Variants in PLXNA4 observed in about 807,000 individuals in gnomAD.
The protein encoded by PLXNA4 is plexin A4, also known as plexin-A4.
In PLXNA4, 44 loss-of-function variants were observed where a neutral mutation model predicts 191.8. The observed-to-expected ratio is 0.23, with a 90% CI of 0.18 to 0.29. The LOEUF is 0.29. PLXNA4 is among the 10% of genes least tolerant of loss of function. The pLI is 1.00. For missense variants in PLXNA4, 1,800 were observed against 2,488.8 expected (o/e 0.72, Z 5.89); for synonymous variants, 1,082 against 1,009.5 (o/e 1.07, Z -1.36).
chr7:132,235,354 C>CT (rs1409383027), intron 5 of PLXNA4, among the ~76,000 whole-genome samples: 1 of 152,244 alleles, frequency 6.6e-6, no homozygotes, highest in Non-Finnish European at 1.5e-5. Context: ...TGGGTCTGTT[C>CT]TTAGACAGGT....
chr7:132,563,646 CCTT>C (rs1162485422), intron 1 of PLXNA4, among the ~76,000 whole-genome samples: 1 of 131,108 alleles, frequency 7.6e-6, no homozygotes, highest in African/African-American at 2.9e-5. Flanking sequence ...TTCTCCTCCT[CCTT>C]CTCCTCTTCC....
intron 3 of PLXNA4, among the ~76,000 whole-genome samples, chr7:132,351,839 A>G (rs1803501237): frequency 6.6e-6 from 1 of 152,272 alleles, no homozygotes; most frequent in South Asian, 2.1e-4. Flanking sequence ...GTCATTCCAC[A>G]GAGTTCCAGA....
chr7:132,210,300 G>A (rs1160237629), intron 10 of PLXNA4, among the ~76,000 whole-genome samples: 1 of 152,238 alleles, frequency 6.6e-6, no homozygotes, highest in African/African-American at 2.4e-5. Context: ...GGGGTTCACT[G>A]TGGGGTACCT....
In PLXNA4 at chr7:132,168,538, C is replaced by A; in HGVS notation, c.4052G>T (p.Gly1351Val). Residue 1351 changes from glycine (G) to valine (V), a missense_variant, in exon 22 of 32, where the codon GGC becomes GTC. By Grantham distance (109) the Gly-to-Val change is moderately radical. This residue lies in a region of PLXNA4 where 1,397 missense variants were observed against 1,880.4 expected (regional missense o/e 0.74). Transcript: ENST00000321063. ...GATGAGCTGGGCGAAGAGCTTCAGG[C>A]CTTTCTCCACACGCTCCTGCCGGTA... ...PGYRQERVEKGLKLFAQLINN... is the reference protein window; with the variant it reads ...PGYRQERVEKVLKLFAQLINN... 6.2e-7 allele frequency: 1 copy of A among 1,603,968 alleles called. No homozygotes were observed. Among genetic ancestry groups the A allele is most frequent in the Non-Finnish European group, 8.5e-7 (1 of 1,174,178 alleles).
intron 3 of PLXNA4, among the ~76,000 whole-genome samples, chr7:132,453,541 A>G (rs921017461): frequency 6.1e-5 from 8 of 131,936 alleles, no homozygotes; most frequent in Non-Finnish European, 1.3e-4. Flanking sequence ...CTTTGCCCAC[A>G]GTGAGGGTTT....
intron 4 of PLXNA4, among the ~76,000 whole-genome samples, chr7:132,253,083 G>A (rs1799310889): frequency 2.0e-5 from 3 of 152,122 alleles, no homozygotes; most frequent in Non-Finnish European, 2.9e-5. Context: ...GTTAACTTTG[G>A]AGAGTTTGAA....
At chr7:132,602,842 T>C (rs765493720) in intron 2 of PLXNA4, among the ~76,000 whole-genome samples, 1 of 152,168 alleles carries the variant, frequency 6.6e-6, no homozygotes, top group Non-Finnish European at 1.5e-5. Flanking sequence ...TGGATTCTTC[T>C]CTACCCGTGG....
chr7:132,419,432 C>A (rs529531670), intron 3 of PLXNA4, among the ~76,000 whole-genome samples: 2 of 152,174 alleles, frequency 1.3e-5, no homozygotes, highest in Admixed American at 6.5e-5. Flanking sequence ...AGACAAGGAG[C>A]TTTCCAACTT....
chr7:132,203,198 G>C, intron 11 of PLXNA4, 125 bp downstream of exon 11: 1 of 828,530 alleles, frequency 1.2e-6, no homozygotes, highest in Non-Finnish European at 1.9e-6. Context: ...GAGGGGCTCA[G>C]AGGGAGAGGG....
intron 3 of PLXNA4, among the ~76,000 whole-genome samples, chr7:132,326,360 T>A (rs1481759468): frequency 6.6e-6 from 1 of 152,228 alleles, no homozygotes; most frequent in Non-Finnish European, 1.5e-5. Context: ...TGTAAATAAA[T>A]GAACACACAC....
chr7:132,145,852 T>A (rs1291521075), intron 28 of PLXNA4, among the ~76,000 whole-genome samples: 1 of 150,340 alleles, frequency 6.7e-6, no homozygotes, highest in African/African-American at 2.5e-5. Flanking sequence ...GACGGATCAT[T>A]TGAGGCCAGG....
At chr7:132,194,329 T>C in intron 13 of PLXNA4, 150 bp from the exon 14 acceptor site, 1 of 1,289,622 alleles carries the variant, frequency 7.8e-7, no homozygotes, top group Middle Eastern at 2.8e-4. Context: ...TAATTCCTCC[T>C]AGCAGGGGCT....
chr7:132,449,129 A>G (rs959009636), intron 3 of PLXNA4, among the ~76,000 whole-genome samples: 2 of 152,220 alleles, frequency 1.3e-5, no homozygotes, highest in Non-Finnish European at 2.9e-5. Flanking sequence ...TGGCTAGACC[A>G]ATAGACACTG....
At chr7:132,389,350 T>G (rs1199993232) in intron 3 of PLXNA4, among the ~76,000 whole-genome samples, 1 of 152,264 alleles carries the variant, frequency 6.6e-6, no homozygotes, top group Non-Finnish European at 1.5e-5. Context: ...CCCATGCCAA[T>G]GTCCTGAATG....
At chr7:132,447,203 G>C (rs530960875) in intron 3 of PLXNA4, among the ~76,000 whole-genome samples, 17 of 152,108 alleles carry the variant, frequency 1.1e-4, no homozygotes, top group Admixed American at 9.2e-4. Context: ...ATGGAATAGC[G>C]CATCACCTGG....
chr7:132,350,374 T>C (rs1803431177), intron 3 of PLXNA4, among the ~76,000 whole-genome samples: 1 of 151,992 alleles, frequency 6.6e-6, no homozygotes, highest in Non-Finnish European at 1.5e-5. Flanking sequence ...AGCATGGTGG[T>C]GCGCACCTGT....
At chr7:132,319,766 G>C (rs1056821058) in intron 3 of PLXNA4, among the ~76,000 whole-genome samples, 2 of 152,240 alleles carry the variant, frequency 1.3e-5, no homozygotes, top group African/African-American at 4.8e-5. Flanking sequence ...TTCCGTGTAA[G>C]TTCCTGAAAT....
chr7:132,498,184 T>A (rs1798105170), intron 2 of PLXNA4, among the ~76,000 whole-genome samples: 1 of 152,184 alleles, frequency 6.6e-6, no homozygotes, highest in Admixed American at 6.5e-5. Context: ...TAGTATACTG[T>A]CATAACTGTT....
At chr7:132,322,473 G>A (rs927356580) in intron 3 of PLXNA4, among the ~76,000 whole-genome samples, 1 of 152,150 alleles carries the variant, frequency 6.6e-6, no homozygotes, top group African/African-American at 2.4e-5. Context: ...GTGAGCCACC[G>A]TGCCTGGCCA....
Sources: allele counts gnomAD v4.1 joint callset (sites outside exome capture counted in the v4.1 genomes callset), GRCh38; gene constraint gnomAD v4.1.1; regional missense constraint gnomAD v4.1.1; transcripts MANE v1.5; gene names NCBI Gene and HGNC (gene_info 2026-07-23, HGNC 2026-07-21).